The following TTLL5 variants were observed in gnomAD, a reference collection of about 807,000 sequenced individuals.
TTLL5 encodes tubulin tyrosine ligase like 5, also known as tubulin polyglutamylase TTLL5.
A neutral mutation model predicts 168.4 loss-of-function variants in TTLL5; 132 were observed. The observed-to-expected ratio is 0.78, with a 90% CI of 0.68 to 0.91. TTLL5 has a LOEUF of 0.91. TTLL5 is among the 40% of genes least tolerant of loss of function. The probability of loss-of-function intolerance (pLI) is 0.00; values close to 1 mark genes in which losing one functional copy is unlikely to be tolerated. For missense variants in TTLL5, 1,545 were observed against 1,581.5 expected, an observed-to-expected ratio of 0.98 and a Z score of 0.39; for synonymous variants, 546 against 558.6, an observed-to-expected ratio of 0.98 and a Z score of 0.32.
chr14:75,683,212 T>TATA (rs1221917113), intron 4 of TTLL5, among the ~76,000 whole-genome samples: 9 of 152,252 alleles, frequency 5.9e-5, no homozygotes, highest in Non-Finnish European at 1.2e-4. Context: ...GGTTTGCTAC[T>TATA]ATAAGGTTTA....
At chr14:75,868,919 A>G (rs995158234) in intron 29 of TTLL5, among the ~76,000 whole-genome samples, 2 of 152,026 alleles carry the variant, frequency 1.3e-5, no homozygotes, top group Non-Finnish European at 1.5e-5. Context: ...CACAAAGAGC[A>G]GGCAAACAGT....
intron 18 of TTLL5, among the ~76,000 whole-genome samples, chr14:75,758,732 A>G (rs977535672): frequency 5.3e-5 from 8 of 152,200 alleles, no homozygotes; most frequent in Non-Finnish European, 1.2e-4. Flanking sequence ...AGAATTGAAT[A>G]TCAATAACAA....
intron 17 of TTLL5, among the ~76,000 whole-genome samples, chr14:75,747,535 A>G (rs1349084445): frequency 4.7e-5 from 7 of 150,244 alleles, no homozygotes; most frequent in Non-Finnish European, 8.9e-5. Context: ...AACCCTTTTG[A>G]ATTTTTTTTT....
chr14:75,804,995 C>T (rs1566611716), intron 27 of TTLL5, among the ~76,000 whole-genome samples: 1 of 152,158 alleles, frequency 6.6e-6, no homozygotes, highest in Non-Finnish European at 1.5e-5. Context: ...TTAAACTCAT[C>T]TTACTTGTAC....
At chr14:75,932,957 G>A (rs1451748903) in intron 31 of TTLL5, among the ~76,000 whole-genome samples, 1 of 152,198 alleles carries the variant, frequency 6.6e-6, no homozygotes, top group Non-Finnish European at 1.5e-5. Flanking sequence ...TACTTTGACA[G>A]AAAAGTACAC....
intron 31 of TTLL5, among the ~76,000 whole-genome samples, chr14:75,938,145 G>A (rs2034488870): frequency 6.6e-6 from 1 of 152,220 alleles, no homozygotes; most frequent in Non-Finnish European, 1.5e-5. Flanking sequence ...TAGCATCATG[G>A]ATGAGTGGGA....
intron 1 of TTLL5, among the ~76,000 whole-genome samples, chr14:75,661,840 C>G (rs566522670): frequency 4.0e-5 from 6 of 151,742 alleles, no homozygotes; most frequent in Non-Finnish European, 5.9e-5. Context: ...CCTATTGCGC[C>G]GAAGATCTTT....
chr14:75,794,016 C>T (rs180689114), intron 27 of TTLL5, among the ~76,000 whole-genome samples: 41 of 152,208 alleles, frequency 2.7e-4, no homozygotes, highest in Non-Finnish European at 5.3e-4. Flanking sequence ...CACACTGCTC[C>T]CTGGTGGTAC....
chr14:75,891,697 A>G (rs750677084), intron 30 of TTLL5, among the ~76,000 whole-genome samples: 41 of 152,198 alleles, frequency 2.7e-4, no homozygotes, highest in Non-Finnish European at 4.3e-4. Flanking sequence ...TGCATCAAAG[A>G]TCAGTAAATA....
chr14:75,823,909 C>T (rs1213276931), intron 28 of TTLL5, among the ~76,000 whole-genome samples: 1 of 152,138 alleles, frequency 6.6e-6, no homozygotes, highest in African/African-American at 2.4e-5. Flanking sequence ...TTATAAATAG[C>T]TTGGTATTCT....
chr14:75,861,463 A>G (rs540342469), intron 28 of TTLL5, among the ~76,000 whole-genome samples: 20 of 152,196 alleles, frequency 1.3e-4, no homozygotes, highest in Non-Finnish European at 2.4e-4. Context: ...GACCCAGGCT[A>G]TAAATAACCC....
chr14:75,784,458 A>T (rs1892252379), intron 26 of TTLL5, among the ~76,000 whole-genome samples: 6 of 152,212 alleles, frequency 3.9e-5, no homozygotes, highest in Admixed American at 3.9e-4. Flanking sequence ...ATTCCATTGT[A>T]TGGATATACC....
intron 7 of TTLL5, among the ~76,000 whole-genome samples, chr14:75,701,414 T>C (rs1886266698): frequency 1.3e-5 from 2 of 152,118 alleles, no homozygotes; most frequent in African/African-American, 4.8e-5. Context: ...GTTTCTACTG[T>C]GGTTGTGTAG....
intron 29 of TTLL5, among the ~76,000 whole-genome samples, chr14:75,882,356 AGT>A (rs1040441625): frequency 1.3e-5 from 2 of 152,230 alleles, no homozygotes; most frequent in African/African-American, 4.8e-5. Flanking sequence ...TCATTAAAAA[AGT>A]GTTGAATTTA....
intron 5 of TTLL5, among the ~76,000 whole-genome samples, chr14:75,689,218 A>C (rs887468153): frequency 6.6e-6 from 1 of 152,136 alleles, no homozygotes; most frequent in African/African-American, 2.4e-5. Flanking sequence ...GTGAGTGATG[A>C]GCCATCTGGA....
intron 27 of TTLL5, among the ~76,000 whole-genome samples, chr14:75,795,799 T>C (rs115595017): frequency 0.031 from 4,788 of 152,268 alleles, 244 homozygotes; most frequent in African/African-American, 0.11. Context: ...TGTATATATA[T>C]ACACACCACA....
intron 7 of TTLL5, among the ~76,000 whole-genome samples, chr14:75,706,072 C>T (rs1404851029): frequency 6.6e-6 from 1 of 152,178 alleles, no homozygotes; most frequent in East Asian, 1.9e-4. Flanking sequence ...GCCCACCCTC[C>T]TTTCTACTGG....
chr14:75,690,552 A>C (rs149082643), intron 6 of TTLL5, among the ~76,000 whole-genome samples: 1 of 152,072 alleles, frequency 6.6e-6, no homozygotes, highest in African/African-American at 2.4e-5. Context: ...TCATATAAGC[A>C]TGCCCCTGTC....
intron 31 of TTLL5, among the ~76,000 whole-genome samples, chr14:75,919,116 G>C (rs1854333205): frequency 7.6e-6 from 1 of 131,866 alleles, no homozygotes; most frequent in African/African-American, 2.8e-5. Context: ...CAGGAGAATT[G>C]CTTCAACCAG....
Sources: allele counts gnomAD v4.1 joint callset (sites outside exome capture counted in the v4.1 genomes callset), GRCh38; gene constraint gnomAD v4.1.1; transcripts MANE v1.5; gene names NCBI Gene and HGNC (gene_info 2026-07-23, HGNC 2026-07-21).